MARCHF1: variants seen among roughly 807,000 people sequenced by gnomAD.
MARCHF1 encodes the protein E3 ubiquitin-protein ligase MARCHF1.
A neutral mutation model predicts 54.2 loss-of-function variants in MARCHF1; 40 were observed. The ratio of observed to expected loss-of-function variants is 0.74; its 90% CI spans 0.57 to 0.96. The LOEUF (loss-of-function observed/expected upper bound fraction) is 0.96, where lower values mean the gene tolerates loss of function less well. MARCHF1 is among the 40% of genes least tolerant of loss of function. The pLI, the probability that MARCHF1 is intolerant of heterozygous loss-of-function variation, is 0.00. For synonymous variants in MARCHF1, 236 were observed against 236.3 expected (o/e 1.00, Z 0.01); for missense variants, 586 against 656.5 (o/e 0.89, Z 1.17).
chr4:164,186,188 C>T (rs1730966067), intron 1 of MARCHF1, among the ~76,000 whole-genome samples: 1 of 152,162 alleles, frequency 6.6e-6, no homozygotes, highest in South Asian at 2.1e-4. Context: ...CCACTGTGCC[C>T]AGCCAATTTC....
chr4:163,740,796 C>T (rs1324818557), intron 4 of MARCHF1, among the ~76,000 whole-genome samples: 1 of 152,110 alleles, frequency 6.6e-6, no homozygotes, highest in Non-Finnish European at 1.5e-5. Flanking sequence ...GTTGTTTTTA[C>T]TGAGTAGGTG....
chr4:163,946,271 T>C (rs1396551074), intron 3 of MARCHF1, among the ~76,000 whole-genome samples: 1 of 152,134 alleles, frequency 6.6e-6, no homozygotes, highest in African/African-American at 2.4e-5. Flanking sequence ...GTTTTGTTTC[T>C]TTGATTGACT....
chr4:164,305,100 A>T (rs1734663085), intron 1 of MARCHF1, among the ~76,000 whole-genome samples: 1 of 152,138 alleles, frequency 6.6e-6, no homozygotes, highest in African/African-American at 2.4e-5. Flanking sequence ...TTATTTACTC[A>T]TTGCAAATAA....
intron 5 of MARCHF1, among the ~76,000 whole-genome samples, chr4:163,685,214 T>A (rs1028856074): frequency 7.2e-5 from 11 of 152,156 alleles, no homozygotes; most frequent in Admixed American, 3.9e-4. Flanking sequence ...ACACTTTTTT[T>A]TTTGCATAAA....
At chr4:164,038,423 G>T (rs1206521260) in intron 2 of MARCHF1, among the ~76,000 whole-genome samples, 1 of 152,228 alleles carries the variant, frequency 6.6e-6, no homozygotes, top group African/African-American at 2.4e-5. Flanking sequence ...AACCCGGGAG[G>T]TGGAGGTTGC....
At position 163,585,737 on chromosome 4, in the gene MARCHF1, T is replaced by C; in HGVS notation, c.1191+12A>G. 1 of 1,548,312 alleles carries C rather than the reference T, an allele frequency of 6.5e-7. No homozygotes were observed. The highest frequency in any genetic ancestry group is 8.7e-7 in the Non-Finnish European group (1 of 1,145,024). On this transcript the variant is annotated intron_variant, in intron 8 of 9. Coordinates refer to ENST00000514618, the MANE Select transcript of MARCHF1 (RefSeq NM_001394959.1). ...ATGGTCCCTCCCAAACCAATTCCTA[T>C]GGATACTGTACCTTCCGGAGGGGTT...
chr4:163,738,273 T>C (rs1447848069), intron 4 of MARCHF1, among the ~76,000 whole-genome samples: 1 of 152,214 alleles, frequency 6.6e-6, no homozygotes, highest in East Asian at 1.9e-4. Context: ...TCTCAGTTTA[T>C]GGTGGAAGTT....
chr4:164,182,907 T>C (rs1476475326), intron 1 of MARCHF1, among the ~76,000 whole-genome samples: 2 of 152,004 alleles, frequency 1.3e-5, no homozygotes, highest in African/African-American at 4.8e-5. Flanking sequence ...AGAAAAACCA[T>C]TCATGTCAAA....
intron 1 of MARCHF1, among the ~76,000 whole-genome samples, chr4:164,143,213 G>A (rs1415049042): frequency 6.6e-6 from 1 of 152,078 alleles, no homozygotes; most frequent in African/African-American, 2.4e-5. Context: ...ACCTGAAAGT[G>A]ACTGGGAGAA....
At chr4:163,694,882 T>G (rs1744571497) in intron 5 of MARCHF1, among the ~76,000 whole-genome samples, 1 of 152,156 alleles carries the variant, frequency 6.6e-6, no homozygotes, top group African/African-American at 2.4e-5. Flanking sequence ...CTCCCTTGAA[T>G]AATTAAACTA....
At chr4:163,951,325 C>A (rs1003275553) in intron 3 of MARCHF1, among the ~76,000 whole-genome samples, 3 of 152,056 alleles carry the variant, frequency 2.0e-5, no homozygotes, top group African/African-American at 7.2e-5. Flanking sequence ...GATTTGCTAT[C>A]TAGATGCATG....
chr4:164,021,312 C>T (rs931525062), intron 2 of MARCHF1, among the ~76,000 whole-genome samples: 1 of 152,140 alleles, frequency 6.6e-6, no homozygotes, highest in Non-Finnish European at 1.5e-5. Context: ...TTATCTCTTA[C>T]TGGGTCATGG....
chr4:164,053,703 A>T (rs1754422363), intron 2 of MARCHF1, among the ~76,000 whole-genome samples: 2 of 152,292 alleles, frequency 1.3e-5, no homozygotes, highest in East Asian at 1.9e-4. Flanking sequence ...ATTTTTAAGG[A>T]CATTTCATTC....
chr4:163,849,012 C>T (rs1349757271), intron 4 of MARCHF1, among the ~76,000 whole-genome samples: 1 of 152,036 alleles, frequency 6.6e-6, no homozygotes, highest in African/African-American at 2.4e-5. Flanking sequence ...AAGGAAAGAT[C>T]CTATTTGTCT....
intron 5 of MARCHF1, among the ~76,000 whole-genome samples, chr4:163,685,688 A>G (rs1744247154): frequency 6.6e-6 from 1 of 152,160 alleles, no homozygotes; most frequent in Admixed American, 6.5e-5. Context: ...TTCTAACCTC[A>G]GATGATCCAC....
At chr4:164,180,254 AATAAAT>A (rs1323006713) in intron 1 of MARCHF1, among the ~76,000 whole-genome samples, 3 of 152,066 alleles carry the variant, frequency 2.0e-5, no homozygotes, top group Non-Finnish European at 4.4e-5. Context: ...TATTGGATGT[AATAAAT>A]ATAGAGTTAT....
rs964474149 is a variant in MARCHF1 at position 164,356,084 on chromosome 4, T to C, written c.-323+27786A>G. Among the ~76,000 whole-genome samples the C allele has an allele frequency of 5.4e-4, 73 of 135,358 alleles. 1 individual carries two copies. The highest frequency in any genetic ancestry group is 1.7e-3 in the African/African-American group (65 of 38,364). The allele number at this position is 135,358 out of a possible 152,430, so 88.8% of individuals were successfully genotyped here. On this transcript the variant is annotated intron_variant, in intron 1 of 9. Transcript: ENST00000514618. Reference sequence around the variant, plus strand: ...CTATGAGACATCATCTCACACCAGTTAGAATGGCAATCATTAAAAAGTCAG... The same window carrying C: ...CTATGAGACATCATCTCACACCAGTCAGAATGGCAATCATTAAAAAGTCAG...
chr4:163,568,927 G>A (rs1273463800), intron 8 of MARCHF1, among the ~76,000 whole-genome samples: 1 of 152,124 alleles, frequency 6.6e-6, no homozygotes, highest in Non-Finnish European at 1.5e-5. Context: ...TGAATCAGGT[G>A]CATCAGGCAT....
At chr4:164,296,802 T>TA (rs1261413410) in intron 1 of MARCHF1, among the ~76,000 whole-genome samples, 1 of 152,206 alleles carries the variant, frequency 6.6e-6, no homozygotes, top group Non-Finnish European at 1.5e-5. Flanking sequence ...TCAGGTTACT[T>TA]ATGTTCATGG....
Sources: allele counts gnomAD v4.1 joint callset (sites outside exome capture counted in the v4.1 genomes callset), GRCh38; gene constraint gnomAD v4.1.1; transcripts MANE v1.5; gene names NCBI Gene and HGNC (gene_info 2026-07-23, HGNC 2026-07-21).